ENOX1: variants seen among roughly 807,000 people sequenced by gnomAD.
ENOX1 encodes candidate growth-related and time keeping constitutive hydroquinone (NADH) oxidase.
ENOX1 carries 42 observed loss-of-function variants against 82.5 expected under a neutral mutation model. The ratio of observed to expected loss-of-function variants is 0.51; its 90% CI spans 0.40 to 0.66. The LOEUF is 0.66. Ranked by LOEUF, ENOX1 falls within the 30% of genes least tolerant of loss-of-function variation. The pLI is 0.00. For missense variants in ENOX1, 608 were observed against 811.6 expected (o/e 0.75, Z 3.05); for synonymous variants, 271 against 282.2 (o/e 0.96, Z 0.40).
chr13:43,363,193 A>G (rs2050636325), intron 5 of ENOX1, among the ~76,000 whole-genome samples: 1 of 152,238 alleles, frequency 6.6e-6, no homozygotes, highest in South Asian at 2.1e-4. Context: ...CAATCATCAG[A>G]AAGTTTCACA....
chr13:43,785,242 A>G (rs1952499310), intron 1 of ENOX1, among the ~76,000 whole-genome samples: 1 of 152,148 alleles, frequency 6.6e-6, no homozygotes, highest in Non-Finnish European at 1.5e-5. Context: ...ACCAGCCAAT[A>G]TTACCACTTT....
chr13:43,625,963 T>C (rs9525812), intron 2 of ENOX1, among the ~76,000 whole-genome samples: 37,317 of 151,748 alleles, frequency 0.25, 5,054 homozygotes, highest in Non-Finnish European at 0.32. Context: ...GTAAAACAAA[T>C]AGGGCCTGGA....
intron 9 of ENOX1, among the ~76,000 whole-genome samples, chr13:43,331,773 A>G (rs1320379087): frequency 6.6e-6 from 1 of 152,196 alleles, no homozygotes; most frequent in Non-Finnish European, 1.5e-5. Context: ...CCAGAGGAGC[A>G]AGACAAGGTC....
chr13:43,659,101 A>G (rs947105754), intron 2 of ENOX1, among the ~76,000 whole-genome samples: 2 of 151,810 alleles, frequency 1.3e-5, no homozygotes, highest in Non-Finnish European at 2.9e-5. Flanking sequence ...AATTTCCTTA[A>G]TTTCACCTCC....
chr13:43,496,838 T>C (rs2076813802), intron 2 of ENOX1, among the ~76,000 whole-genome samples: 1 of 152,186 alleles, frequency 6.6e-6, no homozygotes, highest in Admixed American at 6.6e-5. Context: ...TTAACACTTT[T>C]ATAGAAGTCT....
At chr13:43,302,904 G>A (rs754200517) in intron 11 of ENOX1, among the ~76,000 whole-genome samples, 3 of 152,206 alleles carry the variant, frequency 2.0e-5, no homozygotes, top group Non-Finnish European at 4.4e-5. Context: ...GTCCCAGTAA[G>A]CTGACAGTCT....
intron 12 of ENOX1, among the ~76,000 whole-genome samples, chr13:43,278,873 AAAG>A (rs1179131448): frequency 2.0e-5 from 3 of 152,220 alleles, no homozygotes; most frequent in Non-Finnish European, 4.4e-5. Context: ...ATGAAGTTCA[AAAG>A]AAAAAAATTT....
intron 12 of ENOX1, among the ~76,000 whole-genome samples, chr13:43,279,954 A>G (rs2045283635): frequency 6.6e-6 from 1 of 152,278 alleles, no homozygotes; most frequent in South Asian, 2.1e-4. Context: ...TTGCTGAAGT[A>G]GGAACATGTA....
intron 16 of ENOX1, among the ~76,000 whole-genome samples, chr13:43,222,100 G>A: frequency 6.6e-6 from 1 of 152,096 alleles, no homozygotes; most frequent in East Asian, 1.9e-4. Context: ...TCCTCTGTGA[G>A]GGAAATACTT....
At chr13:43,436,276 G>A (rs2025481) in intron 3 of ENOX1, among the ~76,000 whole-genome samples, 49,285 of 152,024 alleles carry the variant, frequency 0.32, 10,060 homozygotes, top group Non-Finnish European at 0.46. Flanking sequence ...AAGATAGACT[G>A]AAAAGATTAG....
At chr13:43,593,403 G>T (rs889053646) in intron 2 of ENOX1, among the ~76,000 whole-genome samples, 9 of 152,008 alleles carry the variant, frequency 5.9e-5, no homozygotes, top group African/African-American at 2.2e-4. Flanking sequence ...GCCCTTCTAG[G>T]TCTCTGAGGC....
chr13:43,667,325 G>T, intron 2 of ENOX1, 154 bp downstream of exon 2: 1 of 336,268 alleles, frequency 3.0e-6, no homozygotes, highest in Non-Finnish European at 4.2e-6. Flanking sequence ...ATGCATGTTA[G>T]TTCAGAGATC....
chr13:43,749,986 C>T (rs2153830668), intron 1 of ENOX1, among the ~76,000 whole-genome samples: 1 of 152,294 alleles, frequency 6.6e-6, no homozygotes, highest in East Asian at 1.9e-4. Flanking sequence ...ATCACCATCT[C>T]CAGGACTACC....
At chr13:43,452,691 T>A (rs1157031675) in intron 3 of ENOX1, among the ~76,000 whole-genome samples, 3 of 152,078 alleles carry the variant, frequency 2.0e-5, no homozygotes, top group Admixed American at 6.5e-5. Flanking sequence ...CCTGGCTAAT[T>A]TTTGTATTCT....
Position 43,323,874 on chromosome 13 carries a change from A to G in ENOX1, c.1144-1373T>C, listed in dbSNP as rs370081538. On this transcript the variant is annotated intron_variant, in intron 10 of 16. Transcript: ENST00000690772. ...TCCTTAGCTCACAGATTTTAACTAC[A>G]GCATGATGGAGAGGAAAGTATTTAT... Among the ~76,000 whole-genome samples the G allele has an allele frequency of 2.6e-5, 4 of 152,352 alleles. No individual in the cohort carries two copies. The East Asian group carries it at 5.8e-4, about 22-fold the overall frequency.
At chr13:43,485,471 T>G (rs1365725454) in intron 2 of ENOX1, among the ~76,000 whole-genome samples, 2 of 152,184 alleles carry the variant, frequency 1.3e-5, no homozygotes, top group South Asian at 2.1e-4. Flanking sequence ...ACTTTTGAAA[T>G]TTTTAGTTTA....
At chr13:43,661,314 C>A (rs962925596) in intron 2 of ENOX1, among the ~76,000 whole-genome samples, 1 of 152,126 alleles carries the variant, frequency 6.6e-6, no homozygotes, top group Non-Finnish European at 1.5e-5. Context: ...ATACTGTGCG[C>A]GTTGCAAAAT....
At position 43,355,901 on chromosome 13, in the gene ENOX1, A is replaced by G. The variant is rs200993436; in HGVS notation, c.823+18T>C. 3 of 1,599,268 alleles carry G rather than the reference A, an allele frequency of 1.9e-6. No homozygotes were observed. Among genetic ancestry groups the G allele is most frequent in the Non-Finnish European group, 2.6e-6 (3 of 1,171,106 alleles). On this transcript the variant is annotated intron_variant, in intron 8 of 16. Transcript: ENST00000690772. ...GGATCCCTGTGGAGGAAGAAAAGCC[A>G]GCGTGGGTGGCCCATACCTTTCAGC... is the stretch of plus-strand genomic sequence containing the variant.
intron 2 of ENOX1, among the ~76,000 whole-genome samples, chr13:43,600,323 A>T (rs750315429): frequency 3.1e-4 from 47 of 152,154 alleles, no homozygotes; most frequent in Admixed American, 9.2e-4. Flanking sequence ...GGAGAGTTCT[A>T]GGCTGGCTGT....
Sources: allele counts gnomAD v4.1 joint callset (sites outside exome capture counted in the v4.1 genomes callset), GRCh38; gene constraint gnomAD v4.1.1; transcripts MANE v1.5; gene names NCBI Gene and HGNC (gene_info 2026-07-23, HGNC 2026-07-21).